The following KRTAP4-16 variants were observed in gnomAD, a reference collection of about 807,000 sequenced individuals.
KRTAP4-16 encodes the protein keratin associated protein 4-16.
For missense variants in KRTAP4-16, 378 were observed against 233.5 expected, an observed-to-expected ratio of 1.62 and a Z score of -4.03; for synonymous variants, 140 against 88.8, an observed-to-expected ratio of 1.58 and a Z score of -3.24.
At chr17:41,101,742 G>C in exon 1 of KRTAP4-16, 1 of 1,395,740 alleles carries the variant, frequency 7.2e-7, no homozygotes, top group East Asian at 2.5e-5. Context: ...CACAGCACAA[G>C]GGGTGGGGGC....
In KRTAP4-16 at chr17:41,101,973, G is replaced by A. The variant is rs190681626; in HGVS notation, c.237C>T (p.Cys79=). The change falls in exon 1 of 1, where the codon TGC becomes TGT. Residue 79 remains cysteine, a synonymous_variant. Coordinates refer to ENST00000440582, the Ensembl canonical transcript of KRTAP4-16. Reference sequence around the variant, plus strand: ...AGCTGGACACACAGCAGCTGGGGTGGCAGCAGGTCGTCCTGCAGCAGGTGG... The same window carrying A: ...AGCTGGACACACAGCAGCTGGGGTGACAGCAGGTCGTCCTGCAGCAGGTGG... 791 of 1,604,228 alleles carry A rather than the reference G, an allele frequency of 4.9e-4. 20 individuals are homozygous for A. In the African/African-American group the frequency reaches 9.6e-3, roughly 19 times the overall value.
chr17:41,101,695 G>T, exon 1 of KRTAP4-16: 2 of 819,586 alleles, frequency 2.4e-6, no homozygotes, highest in Non-Finnish European at 3.8e-6. Flanking sequence ...GAGGGGAACG[G>T]GTGGGGAAGG....
chr17:41,101,684 G>C (rs1439614576), exon 1 of KRTAP4-16: 2 of 709,048 alleles, frequency 2.8e-6, no homozygotes, highest in Admixed American at 2.4e-5. Context: ...AGGAAGAAAG[G>C]GAGGGGAACG....
chr17:41,101,583 A>ACACTG, the KRTAP4-16 span: 1 of 226,712 alleles, frequency 4.4e-6, no homozygotes, highest in East Asian at 7.7e-5. Context: ...GGGAAAGTGA[A>ACACTG]GGGAGAGAAG....
At chr17:41,102,208 A>G (rs2014001111) in exon 1 of KRTAP4-16, 1 of 1,080,652 alleles carries the variant, frequency 9.3e-7, no homozygotes, top group East Asian at 2.4e-5. Flanking sequence ...TGAACTGCAC[A>G]TAGTAAAATG....
chr17:41,102,198 T>C (rs554689277), exon 1 of KRTAP4-16: 22 of 1,165,212 alleles, frequency 1.9e-5, no homozygotes, highest in Admixed American at 5.4e-5. Context: ...ATGGCATCTT[T>C]GAACTGCACA....
exon 1 of KRTAP4-16, chr17:41,102,133 G>C (rs776563550): frequency 1.3e-6 from 2 of 1,543,246 alleles, no homozygotes; most frequent in African/African-American, 1.4e-5. Context: ...ACAACAGCTG[G>C]GGTGACAGCA....
chr17:41,102,133 G>A lies in KRTAP4-16; in HGVS notation c.77C>T (p.Pro26Leu), dbSNP rs776563550. The stretch of plus-strand genomic sequence containing the variant: ...GCAGCAGGTGGTCTGACAACAGCTG[G>A]GGTGACAGCAGTTGGGTGGGCTGGC... Residue 26 changes from proline (P) to leucine (L), a missense_variant, in exon 1 of 1, where the codon CCC becomes CTC. Coordinates refer to ENST00000440582, the Ensembl canonical transcript of KRTAP4-16. The A allele has an allele frequency of 1.9e-6, 3 of 1,543,246 alleles. No individual in the cohort carries two copies. The African/African-American group carries it at 4.1e-5, about 21-fold the overall frequency.
exon 1 of KRTAP4-16, chr17:41,102,034 C>T (rs768219907): frequency 6.3e-7 from 1 of 1,580,294 alleles, no homozygotes; most frequent in African/African-American, 1.4e-5. Flanking sequence ...GGTGGGCTGG[C>T]AGCACACGGA....
chr17:41,101,703 AGGGAAG>A (rs760472907), exon 1 of KRTAP4-16: 8 of 645,146 alleles, frequency 1.2e-5, no homozygotes, highest in African/African-American at 1.2e-4. Flanking sequence ...CGGGTGGGGA[AGGGAAG>A]GGGAGGGGAA....
chr17:41,101,559 G>A, exon 1 of KRTAP4-16: 2 of 403,580 alleles, frequency 5.0e-6, no homozygotes, highest in Non-Finnish European at 8.5e-6. Flanking sequence ...GGAGGGGAGG[G>A]GAGGGGAGGG....
chr17:41,101,703 AGGGAAGGGGAGGGGAAG>A, the KRTAP4-16 span: 1 of 645,178 alleles, frequency 1.5e-6, no homozygotes, highest in East Asian at 4.9e-5. Flanking sequence ...CGGGTGGGGA[AGGGAAGGGGAGGGGAAG>A]GGGAGGGGAG....
the KRTAP4-16 span, chr17:41,101,560 G>GAA: frequency 5.1e-6 from 2 of 392,574 alleles, no homozygotes; most frequent in South Asian, 2.3e-5. Flanking sequence ...GAGGGGAGGG[G>GAA]AGGGGAGGGG....
chr17:41,101,645 G>T, exon 1 of KRTAP4-16: 2 of 515,068 alleles, frequency 3.9e-6, no homozygotes, highest in South Asian at 3.7e-5. Flanking sequence ...GGAGGGGAAG[G>T]GCGGGGAGGG....
chr17:41,102,061 CT>C, the KRTAP4-16 span: 6 of 1,597,010 alleles, frequency 3.8e-6, no homozygotes, highest in Non-Finnish European at 5.1e-6. Flanking sequence ...GCACTGGGGT[CT>C]GCAGCAGCTG....
chr17:41,101,807 C>T, exon 1 of KRTAP4-16: 1 of 1,575,970 alleles, frequency 6.3e-7, no homozygotes, highest in Non-Finnish European at 8.6e-7. Context: ...GAGACTCGAC[C>T]ACAGACTGGA....
At chr17:41,101,508 A>T (rs1268033184) in exon 1 of KRTAP4-16, 3 of 376,550 alleles carry the variant, frequency 8.0e-6, no homozygotes, top group Admixed American at 5.3e-5. Context: ...AGGTTTATTG[A>T]AGCATGCTCT....
At chr17:41,101,909 G>T in exon 1 of KRTAP4-16, 1 of 1,611,002 alleles carries the variant, frequency 6.2e-7, no homozygotes, top group Non-Finnish European at 8.5e-7. Context: ...CAGCAGGTGG[G>T]CTGGAAGCAC....
At chr17:41,101,590 G>C (rs1343112853) in exon 1 of KRTAP4-16, 1 of 412,460 alleles carries the variant, frequency 2.4e-6, no homozygotes, top group Non-Finnish European at 4.0e-6. Flanking sequence ...TGAAGGGAGA[G>C]AAGGGGAAGG....
Sources: allele counts gnomAD v4.1 joint callset, GRCh38; gene constraint gnomAD v4.1.1; transcripts MANE v1.5; gene names NCBI Gene and HGNC (gene_info 2026-07-23, HGNC 2026-07-21).